Variants in GALNT13 observed in about 807,000 individuals in gnomAD.
The protein encoded by GALNT13 is UDP-GalNAc:polypeptide N-acetylgalactosaminyltransferase 13.
In GALNT13, 28 loss-of-function variants were observed where a neutral mutation model predicts 64.2. That is an observed-to-expected ratio of 0.44 (90% CI 0.32 to 0.60). The LOEUF (loss-of-function observed/expected upper bound fraction) is 0.60, where lower values mean the gene tolerates loss of function less well. GALNT13 is among the 20% of genes least tolerant of loss of function. The pLI is 0.05. For missense variants in GALNT13, 577 were observed against 669.8 expected (o/e 0.86, Z 1.53); for synonymous variants, 214 against 224.6 (o/e 0.95, Z 0.42).
At chr2:154,262,799 A>G (rs568979370) in intron 8 of GALNT13, among the ~76,000 whole-genome samples, 1 of 152,280 alleles carries the variant, frequency 6.6e-6, no homozygotes, top group East Asian at 1.9e-4. Flanking sequence ...GATTCTATGA[A>G]GTGTTGGATT....
At chr2:153,530,429 A>T in the GALNT13 span, among the ~76,000 whole-genome samples, 1 of 152,222 alleles carries the variant, frequency 6.6e-6, no homozygotes, top group East Asian at 1.9e-4. Flanking sequence ...CAATATTATT[A>T]ATTTTGTCCA....
At chr2:154,433,794 A>T (rs531693618) in intron 11 of GALNT13, among the ~76,000 whole-genome samples, 60 of 151,616 alleles carry the variant, frequency 4.0e-4, no homozygotes, top group African/African-American at 1.4e-3. Context: ...TTCATTTAGG[A>T]ATAAGGAAAG....
chr2:154,426,971 AT>A (rs1465283987), intron 11 of GALNT13, among the ~76,000 whole-genome samples: 1 of 152,218 alleles, frequency 6.6e-6, no homozygotes, highest in African/African-American at 2.4e-5. Flanking sequence ...TAGCATTGTT[AT>A]TGAGTCCACA....
At chr2:154,099,622 C>G (rs558305238) in intron 3 of GALNT13, among the ~76,000 whole-genome samples, 1 of 152,100 alleles carries the variant, frequency 6.6e-6, no homozygotes, top group Non-Finnish European at 1.5e-5. Context: ...AACTTTTGTT[C>G]TTCTGCATAT....
intron 9 of GALNT13, among the ~76,000 whole-genome samples, chr2:154,328,160 T>G (rs1422011069): frequency 6.6e-6 from 1 of 152,132 alleles, no homozygotes; most frequent in Non-Finnish European, 1.5e-5. Context: ...AAGCACCTTT[T>G]CTGCATCTTA....
At chr2:153,527,957 AATTAT>A in the GALNT13 span, among the ~76,000 whole-genome samples, 2 of 152,038 alleles carry the variant, frequency 1.3e-5, no homozygotes, top group African/African-American at 4.8e-5. Context: ...CAGGAAACTA[AATTAT>A]ATTACTGGAG....
At chr2:153,179,719 A>G in the GALNT13 span, among the ~76,000 whole-genome samples, 1 of 151,896 alleles carries the variant, frequency 6.6e-6, no homozygotes, top group Non-Finnish European at 1.5e-5. Context: ...ATTTTCTTCA[A>G]TTTTTTCATT....
At chr2:153,445,176 A>G in the GALNT13 span, among the ~76,000 whole-genome samples, 2 of 152,174 alleles carry the variant, frequency 1.3e-5, no homozygotes, top group African/African-American at 4.8e-5. Flanking sequence ...AAATACTTAT[A>G]TGAAAACATG....
chr2:153,988,969 T>A (rs17511515), intron 3 of GALNT13, among the ~76,000 whole-genome samples: 30,556 of 151,770 alleles, frequency 0.2, 4,026 homozygotes, highest in Middle Eastern at 0.33. Flanking sequence ...AAAAGTGGGA[T>A]AATTTATGTC....
At chr2:153,757,584 C>G in the GALNT13 span, among the ~76,000 whole-genome samples, 1 of 152,006 alleles carries the variant, frequency 6.6e-6, no homozygotes, top group African/African-American at 2.4e-5. Flanking sequence ...ATGGTTGTAC[C>G]AAATTACATT....
chr2:153,613,377 G>C, the GALNT13 span, among the ~76,000 whole-genome samples: 2 of 152,048 alleles, frequency 1.3e-5, no homozygotes, highest in African/African-American at 2.4e-5. Flanking sequence ...ACCTATTTTA[G>C]AGAGTTCCAT....
chr2:154,176,680 C>G (rs867772989), intron 4 of GALNT13, among the ~76,000 whole-genome samples: 3 of 151,978 alleles, frequency 2.0e-5, no homozygotes, highest in South Asian at 2.1e-4. Flanking sequence ...TTACATAAAA[C>G]CAGGAAGAGG....
chr2:154,049,407 T>A (rs1180904352), intron 3 of GALNT13, among the ~76,000 whole-genome samples: 1 of 148,196 alleles, frequency 6.7e-6, no homozygotes, highest in Non-Finnish European at 1.5e-5. Context: ...TAAAGATATA[T>A]GAATATATGG....
chr2:154,012,295 G>A (rs1464984978), intron 3 of GALNT13, among the ~76,000 whole-genome samples: 1 of 152,074 alleles, frequency 6.6e-6, no homozygotes, highest in Non-Finnish European at 1.5e-5. Flanking sequence ...TTGCTTGTCT[G>A]AAAAGAATTT....
At chr2:153,214,182 G>T in the GALNT13 span, among the ~76,000 whole-genome samples, 1 of 151,990 alleles carries the variant, frequency 6.6e-6, no homozygotes, top group Non-Finnish European at 1.5e-5. Flanking sequence ...GTTGGAGAGG[G>T]CCCTGGGTAA....
At chr2:154,037,304 C>T (rs1431705876) in intron 3 of GALNT13, among the ~76,000 whole-genome samples, 1 of 151,900 alleles carries the variant, frequency 6.6e-6, no homozygotes, top group African/African-American at 2.4e-5. Flanking sequence ...TTTCTTATTG[C>T]CCATGGTAGT....
the GALNT13 span, among the ~76,000 whole-genome samples, chr2:153,860,353 A>C: frequency 2.6e-5 from 4 of 152,192 alleles, no homozygotes; most frequent in African/African-American, 9.7e-5. Flanking sequence ...ACATCCTTGT[A>C]CTTGCCCTAG....
chr2:153,280,787 T>C, the GALNT13 span, among the ~76,000 whole-genome samples: 2 of 152,212 alleles, frequency 1.3e-5, no homozygotes, highest in African/African-American at 4.8e-5. Context: ...GCCAAACATG[T>C]GGTCACTCAT....
At chr2:153,484,095 T>C in the GALNT13 span, among the ~76,000 whole-genome samples, 1 of 152,198 alleles carries the variant, frequency 6.6e-6, no homozygotes, top group East Asian at 1.9e-4. Context: ...GATAAATATT[T>C]ACATTTTTGA....
Sources: gnomAD v4.1 joint callset for allele counts (sites outside exome capture counted in the v4.1 genomes callset) on GRCh38, gnomAD v4.1.1 for gene constraint, MANE v1.5 for transcripts, NCBI Gene and HGNC (gene_info 2026-07-23, HGNC 2026-07-21) for gene names.